SOX5: variants seen among roughly 807,000 people sequenced by gnomAD.
SOX5 encodes the protein transcription factor SOX-5.
SOX5 carries 9 observed loss-of-function variants against 92.0 expected under a neutral mutation model. The observed-to-expected ratio is 0.10, with a 90% CI of 0.06 to 0.17. SOX5 has a LOEUF of 0.17. Ranked by LOEUF, SOX5 falls within the 10% of genes least tolerant of loss-of-function variation. The pLI, the probability that SOX5 is intolerant of heterozygous loss-of-function variation, is 1.00. For synonymous variants in SOX5, 344 were observed against 336.3 expected, an observed-to-expected ratio of 1.02 and a Z score of -0.25; for missense variants, 642 against 944.5, an observed-to-expected ratio of 0.68 and a Z score of 4.20.
intron 10 of SOX5, among the ~76,000 whole-genome samples, chr12:23,571,196 C>T (rs1001004615): frequency 6.6e-5 from 10 of 151,012 alleles, no homozygotes; most frequent in Non-Finnish European, 1.3e-4. Flanking sequence ...AAAATGTAAA[C>T]TAACAAACTT....
At chr12:23,860,462 CA>C (rs1280858474) in intron 2 of SOX5, among the ~76,000 whole-genome samples, 1 of 152,028 alleles carries the variant, frequency 6.6e-6, no homozygotes, top group Non-Finnish European at 1.5e-5. Context: ...ATGGTATTGA[CA>C]AAAACAGATT....
intron 1 of SOX5, among the ~76,000 whole-genome samples, chr12:24,464,325 T>TA (rs1943976542): frequency 1.8e-4 from 2 of 11,262 alleles, no homozygotes; most frequent in African/African-American, 4.7e-4. Flanking sequence ...GAGAGTTAAT[T>TA]TTTTTTTTTT....
chr12:24,372,086 C>T (rs1006187440), intron 1 of SOX5, among the ~76,000 whole-genome samples: 1 of 152,098 alleles, frequency 6.6e-6, no homozygotes, highest in Admixed American at 6.5e-5. Flanking sequence ...TTCCTTCCAA[C>T]TTTTCTTAGG....
intron 10 of SOX5, among the ~76,000 whole-genome samples, chr12:23,571,030 T>C (rs1282637097): frequency 1.5e-5 from 2 of 137,678 alleles, no homozygotes; most frequent in East Asian, 4.5e-4. Context: ...TAGTCCTAGC[T>C]ACTTGGGAGG....
chr12:24,253,486 T>C (rs991895276), intron 3 of SOX5, among the ~76,000 whole-genome samples: 34 of 152,262 alleles, frequency 2.2e-4, no homozygotes, highest in African/African-American at 7.9e-4. Flanking sequence ...AAGTCATTTA[T>C]ATTTTTCAGT....
intron 6 of SOX5, among the ~76,000 whole-genome samples, chr12:23,698,788 C>A (rs1010814163): frequency 1.2e-4 from 19 of 152,124 alleles, no homozygotes; most frequent in Admixed American, 1.2e-3. Context: ...GAAACAATTT[C>A]ATCCTTTCAA....
intron 8 of SOX5, among the ~76,000 whole-genome samples, chr12:23,635,998 A>G (rs975317339): frequency 2.0e-5 from 3 of 152,174 alleles, no homozygotes; most frequent in Non-Finnish European, 4.4e-5. Context: ...CCAAAGAATA[A>G]GGAAGTCTAG....
At chr12:24,529,983 G>A (rs1444966687) in intron 1 of SOX5, among the ~76,000 whole-genome samples, 1 of 129,322 alleles carries the variant, frequency 7.7e-6, no homozygotes, top group East Asian at 2.6e-4. Flanking sequence ...TCACGCCACT[G>A]CACTTCAGCC....
chr12:24,525,532 A>G (rs1950625079), intron 1 of SOX5, among the ~76,000 whole-genome samples: 1 of 152,218 alleles, frequency 6.6e-6, no homozygotes, highest in South Asian at 2.1e-4. Flanking sequence ...ATCATGTTAA[A>G]TGTTCTTACC....
At chr12:24,097,407 T>A (rs1945557035) in intron 4 of SOX5, among the ~76,000 whole-genome samples, 1 of 152,152 alleles carries the variant, frequency 6.6e-6, no homozygotes. Flanking sequence ...TTGATACTTG[T>A]GCACTTTTTG....
chr12:24,458,411 T>G (rs1464361126), intron 1 of SOX5, among the ~76,000 whole-genome samples: 1 of 152,184 alleles, frequency 6.6e-6, no homozygotes, highest in Non-Finnish European at 1.5e-5. Context: ...TGGGCATTTT[T>G]TTTCTTCATC....
At chr12:24,118,528 T>C (rs1948296786) in intron 4 of SOX5, among the ~76,000 whole-genome samples, 1 of 152,122 alleles carries the variant, frequency 6.6e-6, no homozygotes, top group Non-Finnish European at 1.5e-5. Flanking sequence ...TTAAACATCT[T>C]GATAACATCA....
At chr12:24,135,626 CTT>C (rs1452390956) in intron 4 of SOX5, among the ~76,000 whole-genome samples, 2 of 152,172 alleles carry the variant, frequency 1.3e-5, no homozygotes, top group African/African-American at 4.8e-5. Flanking sequence ...ATAAATGTCA[CTT>C]ATAATAATTA....
chr12:24,499,760 T>C (rs1054899556), intron 1 of SOX5, among the ~76,000 whole-genome samples: 1 of 151,980 alleles, frequency 6.6e-6, no homozygotes, highest in Non-Finnish European at 1.5e-5. Context: ...CTGCCTTTTT[T>C]TTTTTTTTTT....
At chr12:23,550,991 T>C (rs1944092056) in intron 11 of SOX5, among the ~76,000 whole-genome samples, 1 of 151,980 alleles carries the variant, frequency 6.6e-6, no homozygotes, top group Non-Finnish European at 1.5e-5. Flanking sequence ...AGCTAAGTGA[T>C]GAGCTTCGCT....
intron 3 of SOX5, among the ~76,000 whole-genome samples, chr12:23,794,684 T>C (rs1371999084): frequency 6.6e-6 from 1 of 152,178 alleles, no homozygotes; most frequent in Non-Finnish European, 1.5e-5. Context: ...TGTAAAAATA[T>C]ACAAATAATT....
chr12:24,439,737 GA>G (rs1464443037), intron 1 of SOX5, among the ~76,000 whole-genome samples: 1 of 151,484 alleles, frequency 6.6e-6, no homozygotes, highest in African/African-American at 2.4e-5. Flanking sequence ...TACTAAAAAT[GA>G]AAAAAAATTG....
At chr12:23,848,016 C>T (rs1311561090) in intron 2 of SOX5, among the ~76,000 whole-genome samples, 2 of 152,136 alleles carry the variant, frequency 1.3e-5, no homozygotes, top group Admixed American at 1.3e-4. Flanking sequence ...GTCCATAACA[C>T]ACATTAGCTT....
chr12:24,350,000 C>T lies in SOX5; in HGVS notation c.-174+18563G>A, dbSNP rs560366391. On this transcript the variant is annotated intron_variant, in intron 2 of 4. Coordinates refer to the SOX5 transcript ENST00000446891. ...TTCTATCTACCTTTGCTCATGCATT[C>T]ATTTTCTTATTTCTGGGGCAGTTTT... 2.6e-5 allele frequency among the ~76,000 whole-genome samples: 4 copies of T among 152,240 alleles called. No homozygotes were observed. The East Asian group carries it at 7.7e-4, about 29-fold the overall frequency.
Sources: gnomAD v4.1 joint callset for allele counts (sites outside exome capture counted in the v4.1 genomes callset) on GRCh38, gnomAD v4.1.1 for gene constraint, MANE v1.5 for transcripts, NCBI Gene and HGNC (gene_info 2026-07-23, HGNC 2026-07-21) for gene names.